The following SEMA3D variants were observed in gnomAD, a reference collection of about 807,000 sequenced individuals.
SEMA3D encodes semaphorin 3D.
In SEMA3D, 84 loss-of-function variants were observed where a neutral mutation model predicts 100.1. That is an observed-to-expected ratio of 0.84 (90% CI 0.70 to 1.01). The LOEUF (loss-of-function observed/expected upper bound fraction) is 1.01. Among genes scored for constraint, SEMA3D ranks in the 50% least tolerant of loss-of-function variants. The probability of loss-of-function intolerance (pLI) is 0.00; values close to 1 mark genes in which losing one functional copy is unlikely to be tolerated. For synonymous variants in SEMA3D, 312 were observed against 320.7 expected (o/e 0.97, Z 0.29); for missense variants, 875 against 934.1 (o/e 0.94, Z 0.82).
At chr7:85,007,161 T>C (rs1382416237) in intron 17 of SEMA3D, among the ~76,000 whole-genome samples, 3 of 151,962 alleles carry the variant, frequency 2.0e-5, no homozygotes, top group Non-Finnish European at 4.4e-5. Flanking sequence ...CTTTCATCAA[T>C]ATATTAGCTA....
At chr7:85,227,044 CG>C in the SEMA3D span, among the ~76,000 whole-genome samples, 1 of 152,082 alleles carries the variant, frequency 6.6e-6, no homozygotes, top group Non-Finnish European at 1.5e-5. Context: ...TCCCTTTCCA[CG>C]GTTTATTTTC....
At chr7:85,154,950 C>T (rs1461439540) in intron 1 of SEMA3D, among the ~76,000 whole-genome samples, 1 of 152,116 alleles carries the variant, frequency 6.6e-6, no homozygotes, top group Non-Finnish European at 1.5e-5. Flanking sequence ...ACTTGTCTTT[C>T]TATATATAAA....
chr7:85,142,026 C>A lies in SEMA3D; in HGVS notation c.-41+11582G>T, dbSNP rs1333369827. ...TCAAGGTACTATTTAAATTTAATAG[C>A]CAGCAAAATAGAAGGTAAGAGAAAA... is the stretch of plus-strand genomic sequence containing the variant. On this transcript the variant is annotated intron_variant, in intron 2 of 18. Transcript: ENST00000284136. The A allele has an allele frequency of 3.1e-6, 3 of 982,496 alleles. No homozygotes were observed. The African/African-American group carries it at 5.3e-5, about 17-fold the overall frequency. 60.9% of individuals were successfully genotyped at this position (982,496 alleles called of 1,614,324 possible).
the SEMA3D span, among the ~76,000 whole-genome samples, chr7:85,217,386 G>A: frequency 5.9e-5 from 9 of 152,038 alleles, no homozygotes; most frequent in African/African-American, 2.2e-4. Context: ...AGATAAAGGT[G>A]AGTGATAGAA....
At chr7:85,155,142 T>A (rs528939238) in intron 1 of SEMA3D, among the ~76,000 whole-genome samples, 1 of 152,274 alleles carries the variant, frequency 6.6e-6, no homozygotes, top group Non-Finnish European at 1.5e-5. Context: ...CTACACTTTT[T>A]TTTTTGACAT....
At chr7:85,149,743 G>A (rs1483274950) in intron 2 of SEMA3D, among the ~76,000 whole-genome samples, 1 of 152,014 alleles carries the variant, frequency 6.6e-6, no homozygotes, top group Non-Finnish European at 1.5e-5. Context: ...TAAGATTCAG[G>A]GGCTACGATT....
At chr7:85,226,549 T>C in the SEMA3D span, among the ~76,000 whole-genome samples, 25 of 152,210 alleles carry the variant, frequency 1.6e-4, no homozygotes, top group African/African-American at 5.8e-4. Context: ...GGAAACACAT[T>C]AGATAACATA....
At chr7:85,035,148 A>G (rs909756472) in intron 12 of SEMA3D, among the ~76,000 whole-genome samples, 1 of 151,648 alleles carries the variant, frequency 6.6e-6, no homozygotes, top group African/African-American at 2.4e-5. Flanking sequence ...ATATGTATAC[A>G]ATATATCTAG....
the SEMA3D span, among the ~76,000 whole-genome samples, chr7:85,219,458 T>C: frequency 8.3e-4 from 127 of 152,180 alleles, 2 homozygotes; most frequent in Middle Eastern, 3.4e-3. Flanking sequence ...GAAAGACATT[T>C]TTTTTAGCAA....
At chr7:85,232,084 T>C in the SEMA3D span, among the ~76,000 whole-genome samples, 6 of 152,000 alleles carry the variant, frequency 3.9e-5, no homozygotes, top group African/African-American at 1.2e-4. Context: ...AAAACAGATA[T>C]AGGAATATGA....
At chr7:85,230,060 A>G in the SEMA3D span, among the ~76,000 whole-genome samples, 1 of 152,306 alleles carries the variant, frequency 6.6e-6, no homozygotes, top group South Asian at 2.1e-4. Context: ...TCAATCTCTT[A>G]CTACTTCCAG....
chr7:85,028,013 C>G (rs1790438364), intron 12 of SEMA3D: 1 of 575,740 alleles, frequency 1.7e-6, no homozygotes, highest in African/African-American at 1.8e-5. Context: ...TTCCAATGAA[C>G]CGTGCCAGCA....
chr7:85,012,112 C>A (rs752694457), intron 17 of SEMA3D, among the ~76,000 whole-genome samples: 3 of 151,592 alleles, frequency 2.0e-5, no homozygotes, highest in Non-Finnish European at 4.4e-5. Context: ...CCCACACTGG[C>A]CTTCTCCTTC....
At chr7:85,160,038 C>G (rs1302537045) in intron 1 of SEMA3D, 1 of 948,936 alleles carries the variant, frequency 1.1e-6, no homozygotes, top group African/African-American at 1.8e-5. Context: ...AAAAACTGAA[C>G]TGTTATTTTA....
At chr7:85,030,539 G>A (rs911314421) in intron 12 of SEMA3D, among the ~76,000 whole-genome samples, 4 of 151,904 alleles carry the variant, frequency 2.6e-5, no homozygotes, top group African/African-American at 9.7e-5. Flanking sequence ...AAAAATGGTG[G>A]CAAAATGATT....
intron 2 of SEMA3D, among the ~76,000 whole-genome samples, chr7:85,150,089 T>C (rs889813557): frequency 2.0e-5 from 3 of 151,980 alleles, no homozygotes; most frequent in African/African-American, 7.2e-5. Context: ...GCCCAACACA[T>C]ACGCACTCAC....
chr7:85,166,040 G>T (rs1790895545), intron 1 of SEMA3D, among the ~76,000 whole-genome samples: 1 of 151,988 alleles, frequency 6.6e-6, no homozygotes, highest in South Asian at 2.1e-4. Context: ...GTAGAGGAAG[G>T]TGCCAAGAAT....
Position 85,121,825 on chromosome 7 carries a change from T to C in SEMA3D, c.67A>G (p.Met23Val). ...SQDFHLFPALMMLSMTMLFLP... is the reference protein window; with the variant it reads ...SQDFHLFPALVMLSMTMLFLP... ...AACAACATGGTCATGCTTAGCATCATCAAAGCAGGAAAAAGGTGAAAATCT... is the reference window on the plus strand; with the variant it reads ...AACAACATGGTCATGCTTAGCATCACCAAAGCAGGAAAAAGGTGAAAATCT... The change falls in exon 3 of 19, where the codon ATG (methionine) becomes GTG (valine). Residue 23 changes from methionine to valine, a missense_variant. Coordinates refer to ENST00000284136, the MANE Select transcript of SEMA3D (RefSeq NM_001384900.1). 1 of 1,607,824 alleles carries C rather than the reference T, an allele frequency of 6.2e-7. No individual in the cohort carries two copies. Among genetic ancestry groups the C allele is most frequent in the Non-Finnish European group, 8.5e-7 (1 of 1,176,234 alleles).
the SEMA3D span, among the ~76,000 whole-genome samples, chr7:85,199,901 C>T: frequency 2.0e-5 from 3 of 152,130 alleles, no homozygotes; most frequent in Non-Finnish European, 1.5e-5. Flanking sequence ...GTGCGCTGTT[C>T]TCATGACAGT....
Sources: gnomAD v4.1 joint callset for allele counts (sites outside exome capture counted in the v4.1 genomes callset) on GRCh38, gnomAD v4.1.1 for gene constraint, MANE v1.5 for transcripts, NCBI Gene and HGNC (gene_info 2026-07-23, HGNC 2026-07-21) for gene names.